SMNDC1: variants seen among roughly 807,000 people sequenced by gnomAD.
SMNDC1 encodes survival of motor neuron-related-splicing factor 30.
Under a neutral mutation model 29.2 loss-of-function variants are expected in SMNDC1, and 5 were observed. The ratio of observed to expected loss-of-function variants is 0.17; its 90% CI spans 0.09 to 0.36. The LOEUF (loss-of-function observed/expected upper bound fraction) is 0.36. Ranked by LOEUF, SMNDC1 falls within the 10% of genes least tolerant of loss-of-function variation. The pLI is 1.00. For synonymous variants in SMNDC1, 80 were observed against 89.9 expected (o/e 0.89, Z 0.62); for missense variants, 142 against 268.5 (o/e 0.53, Z 3.29).
Position 110,293,934 on chromosome 10 carries a change from C to T in SMNDC1, c.*216G>A. On this transcript the variant is annotated 3_prime_UTR_variant, in exon 6 of 6. Coordinates refer to ENST00000369603, the MANE Select transcript of SMNDC1 (RefSeq NM_005871.4). Reference sequence around the variant, plus strand: ...CATCTACAAAAGTTGCTTTATTCAACAAACTTTGAGGGAACCGTGGTACTG... The same window carrying T: ...CATCTACAAAAGTTGCTTTATTCAATAAACTTTGAGGGAACCGTGGTACTG... 1 of 368,198 alleles carries T rather than the reference C, an allele frequency of 2.7e-6. No homozygotes were observed. The highest frequency in any genetic ancestry group is 4.8e-6 in the Non-Finnish European group (1 of 206,890). 22.8% of individuals were successfully genotyped at this position (368,198 alleles called of 1,614,324 possible).
intron 2 of SMNDC1, among the ~76,000 whole-genome samples, chr10:110,302,877 T>C (rs886894797): frequency 1.3e-5 from 2 of 152,226 alleles, no homozygotes; most frequent in African/African-American, 4.8e-5. Context: ...TTTCACCACA[T>C]AGTTCAATTT....
At position 110,297,656 on chromosome 10, in the gene SMNDC1, G is replaced by A; in HGVS notation, c.336C>T (p.Gly112=). ...TCAACAGTGGAGTCACTTCAGCATT[G>A]CCATAACCAGCAAAGGTGATTGCAG... ...GTAAITFAGY[G]NAEVTPLLNL... Residue 112 remains glycine (G), a synonymous_variant, in exon 4 of 6, where the codon GGC becomes GGT. Coordinates refer to ENST00000369603, the MANE Select transcript of SMNDC1 (RefSeq NM_005871.4). 6.2e-7 allele frequency: 1 copy of A among 1,613,918 alleles called. No homozygotes were observed. Among genetic ancestry groups the A allele is most frequent in the Non-Finnish European group, 8.5e-7 (1 of 1,179,920 alleles).
At chr10:110,303,372 T>G in intron 2 of SMNDC1, 96 bp downstream of exon 2, 2 of 1,023,626 alleles carry the variant, frequency 2.0e-6, no homozygotes, top group South Asian at 1.8e-5. Context: ...ATACATAGGG[T>G]GGGGTGTAAC....
intron 2 of SMNDC1, chr10:110,300,621 TAATCGGC>T: frequency 1.0e-6 from 1 of 985,450 alleles, no homozygotes; most frequent in Non-Finnish European, 1.2e-6. Context: ...GCAGTTACAG[TAATCGGC>T]AATTCCAGGA....
chr10:110,299,699 T>C (rs1411934939), intron 2 of SMNDC1, among the ~76,000 whole-genome samples: 1 of 152,220 alleles, frequency 6.6e-6, no homozygotes, highest in Non-Finnish European at 1.5e-5. Flanking sequence ...TACTGTGTGT[T>C]TGGGGAGAAA....
Position 110,303,476 on chromosome 10 carries a change from C to G in SMNDC1, c.112G>C (p.Asp38His), listed in dbSNP as rs756017004. ...ENEDLLKLKK[D>H]LQEVIELTKD... is the part of the protein sequence containing the mutation. ...TGTCTACCCATACTTACTTGTAAAT[C>G]TTTCTTCAATTTTAGCAAATCTTCA... The change falls in exon 2 of 6, where the codon GAT (aspartate) becomes CAT (histidine). Residue 38 changes from aspartate (D) to histidine (H), a missense_variant. Around this residue, in one of 4 missense-constraint regions of SMNDC1, gnomAD observed 3 missense variants for 19.2 expected, o/e 0.16. Transcript: ENST00000369603. 1.3e-6 allele frequency: 2 copies of G among 1,584,430 alleles called. No homozygotes were observed. The highest frequency in any genetic ancestry group is 8.5e-7 in the Non-Finnish European group (1 of 1,170,524).
chr10:110,297,466 C>T (rs1590427340), intron 4 of SMNDC1, 101 bp downstream of exon 4: 1 of 1,067,488 alleles, frequency 9.4e-7, no homozygotes. Context: ...AACGGTAAAA[C>T]AGTATTACAA....
rs1857491576 is a variant in SMNDC1, at chr10:110,290,822, G to C, written c.*3328C>G. The C allele has an allele frequency of 6.6e-6, 1 of 151,968 alleles. No homozygotes were observed. Among genetic ancestry groups the C allele is most frequent in the Non-Finnish European group, 1.5e-5 (1 of 67,970 alleles). 9.4% of individuals were successfully genotyped at this position (151,968 alleles called of 1,614,324 possible). On this transcript the variant is annotated 3_prime_UTR_variant, in exon 6 of 6. Coordinates refer to ENST00000369603, the MANE Select transcript of SMNDC1 (RefSeq NM_005871.4). ...AGTTAAAGCAAAAAGCTAAATCAAA[G>C]CTTTAAATTTTTTTTGGTTGAATTT...
intron 5 of SMNDC1, among the ~76,000 whole-genome samples, chr10:110,294,847 G>GT (rs1388632115): frequency 6.6e-6 from 1 of 152,186 alleles, no homozygotes; most frequent in African/African-American, 2.4e-5. Context: ...CACACACAAG[G>GT]TAAGTGTATC....
chr10:110,299,910 A>C (rs929244338), intron 2 of SMNDC1, among the ~76,000 whole-genome samples: 2 of 152,236 alleles, frequency 1.3e-5, no homozygotes, highest in Non-Finnish European at 2.9e-5. Flanking sequence ...ATAAATAAAT[A>C]GAACACTTAG....
chr10:110,304,174 G>C (rs575995922), intron 1 of SMNDC1: 11 of 152,270 alleles, frequency 7.2e-5, no homozygotes, highest in African/African-American at 2.2e-4. Flanking sequence ...CTCCCATTTA[G>C]GCATTCTAAC....
At chr10:110,300,727 CA>C (rs1857633031) in intron 2 of SMNDC1, 2 of 985,364 alleles carry the variant, frequency 2.0e-6, no homozygotes, top group South Asian at 9.4e-5. Flanking sequence ...TTCGGGGATG[CA>C]GAGAGCCACT....
Position 110,295,332 on chromosome 10 carries a change from T to C in SMNDC1, c.475A>G (p.Lys159Glu). 6.2e-7 allele frequency: 1 copy of C among 1,605,970 alleles called. No individual in the cohort carries two copies. Among genetic ancestry groups the C allele is most frequent in the Non-Finnish European group, 8.5e-7 (1 of 1,177,994 alleles). The change falls in exon 5 of 6, where the codon AAA becomes GAA. Residue 159 changes from lysine (K) to glutamate (E), a missense_variant. Lys to Glu is a moderately conservative substitution (Grantham distance 56). This residue lies in a region of SMNDC1 where 54 missense variants were observed against 152.1 expected (regional missense o/e 0.36). Transcript: ENST00000369603. ...QREYKKKKALKKAQRIKELEQ... is the reference protein window; with the variant it reads ...QREYKKKKALEKAQRIKELEQ... ...AGTTCTTTTATTCTCTGAGCTTTTTTCAAAGCTTTCTTCTTTTTATATTCA... is the reference window on the plus strand; with the variant it reads ...AGTTCTTTTATTCTCTGAGCTTTTTCCAAAGCTTTCTTCTTTTTATATTCA...
At chr10:110,300,755 G>C in intron 2 of SMNDC1, 3 of 982,030 alleles carry the variant, frequency 3.1e-6, no homozygotes, top group Non-Finnish European at 3.6e-6. Context: ...TATGAGACAA[G>C]TGACTTGACC....
At chr10:110,301,276 C>T (rs746575590) in intron 2 of SMNDC1, among the ~76,000 whole-genome samples, 1 of 138,842 alleles carries the variant, frequency 7.2e-6, no homozygotes, top group Non-Finnish European at 1.7e-5. Context: ...GGGAACCCCA[C>T]AGCAAAATAG....
chr10:110,294,919 TAACA>T (rs1385132157), intron 5 of SMNDC1, among the ~76,000 whole-genome samples: 3 of 152,260 alleles, frequency 2.0e-5, no homozygotes, highest in Non-Finnish European at 4.4e-5. Context: ...GAAGGCATGT[TAACA>T]AAGCAGATAG....
intron 4 of SMNDC1, 75 bp from the exon 5 acceptor site, chr10:110,295,456 T>C: frequency 8.4e-7 from 1 of 1,195,858 alleles, no homozygotes. Context: ...ACACCGGCAG[T>C]GCAAAAAAAA....
At chr10:110,300,617 A>T in intron 2 of SMNDC1, 1 of 985,456 alleles carries the variant, frequency 1.0e-6, no homozygotes, top group East Asian at 1.1e-4. Context: ...GGCAGCAGTT[A>T]CAGTAATCGG....
chr10:110,298,911 T>C, intron 2 of SMNDC1, 121 bp from the exon 3 acceptor site: 1 of 681,370 alleles, frequency 1.5e-6, no homozygotes, highest in Non-Finnish European at 2.4e-6. Flanking sequence ...TTGCAGCTCA[T>C]AACACTATTA....
Sources: gnomAD v4.1 joint callset for allele counts (sites outside exome capture counted in the v4.1 genomes callset) on GRCh38, gnomAD v4.1.1 for gene constraint, gnomAD v4.1.1 regional missense constraint, MANE v1.5 for transcripts, NCBI Gene and HGNC (gene_info 2026-07-23, HGNC 2026-07-21) for gene names.